Variants in TSHZ3 observed in about 807,000 individuals in gnomAD.
TSHZ3 encodes teashirt homolog 3.
Under a neutral mutation model 64.5 loss-of-function variants are expected in TSHZ3, and 10 were observed. That is an observed-to-expected ratio of 0.16 (90% CI 0.10 to 0.26). The LOEUF is 0.26. Among genes scored for constraint, TSHZ3 ranks in the 10% least tolerant of loss-of-function variants. TSHZ3 has a pLI of 1.00. For synonymous variants in TSHZ3, 608 were observed against 593.1 expected, an observed-to-expected ratio of 1.03 and a Z score of -0.36; for missense variants, 1,242 against 1,421.7, an observed-to-expected ratio of 0.87 and a Z score of 2.03.
chr19:31,176,825 C>CA (rs1283632205), intron 5 of TSHZ3, among the ~76,000 whole-genome samples: 2 of 152,070 alleles, frequency 1.3e-5, no homozygotes, highest in South Asian at 2.1e-4. Flanking sequence ...ACAACAACAA[C>CA]AAAAAACACA....
At chr19:31,219,012 C>G (rs1164901059) in intron 4 of TSHZ3, among the ~76,000 whole-genome samples, 3 of 152,152 alleles carry the variant, frequency 2.0e-5, no homozygotes, top group African/African-American at 7.2e-5. Context: ...GAAGGAGATG[C>G]TTCAGGTACA....
intron 1 of TSHZ3, among the ~76,000 whole-genome samples, chr19:31,263,338 G>A (rs981725411): frequency 6.6e-6 from 1 of 152,208 alleles, no homozygotes; most frequent in South Asian, 2.1e-4. Flanking sequence ...TGGGGAGTGT[G>A]GGCACTGGAT....
chr19:31,263,433 T>G (rs1177376011), intron 1 of TSHZ3, among the ~76,000 whole-genome samples: 1 of 131,190 alleles, frequency 7.6e-6, no homozygotes, highest in African/African-American at 2.5e-5. Context: ...CGCCACCCGC[T>G]GCCCACGGCT....
intron 4 of TSHZ3, among the ~76,000 whole-genome samples, chr19:31,217,134 A>G (rs1433210050): frequency 6.6e-6 from 1 of 152,186 alleles, no homozygotes; most frequent in Non-Finnish European, 1.5e-5. Flanking sequence ...ATGAAGGACT[A>G]TGACACATCC....
At chr19:31,287,990 AG>A (rs1568370119) in intron 1 of TSHZ3, among the ~76,000 whole-genome samples, 1 of 152,114 alleles carries the variant, frequency 6.6e-6, no homozygotes, top group Non-Finnish European at 1.5e-5. Context: ...GCTGAAGTGC[AG>A]TGGTGCAATC....
At chr19:31,317,692 G>A (rs991701910) in intron 1 of TSHZ3, among the ~76,000 whole-genome samples, 3 of 152,214 alleles carry the variant, frequency 2.0e-5, no homozygotes, top group Admixed American at 6.5e-5. Flanking sequence ...TGTCCCAAAC[G>A]CCTGCCCCGC....
At chr19:31,168,876 C>T (rs1974495709) in intron 5 of TSHZ3, among the ~76,000 whole-genome samples, 1 of 152,154 alleles carries the variant, frequency 6.6e-6, no homozygotes, top group Admixed American at 6.5e-5. Context: ...TAAAAAGCAA[C>T]TCATCCTGAG....
chr19:31,157,418 C>T (rs931844662), intron 5 of TSHZ3, among the ~76,000 whole-genome samples: 7 of 152,098 alleles, frequency 4.6e-5, no homozygotes, highest in Non-Finnish European at 1.0e-4. Flanking sequence ...TCTGTGGCCA[C>T]TTTTTGCTCT....
chr19:31,165,412 AT>A (rs1266996486), intron 5 of TSHZ3, among the ~76,000 whole-genome samples: 2 of 152,032 alleles, frequency 1.3e-5, no homozygotes, highest in African/African-American at 2.4e-5. Context: ...CTTTTGCAAA[AT>A]TTTCTTTTGC....
intron 1 of TSHZ3, among the ~76,000 whole-genome samples, chr19:31,249,433 G>T (rs56004051): frequency 0.035 from 5,347 of 152,232 alleles, 318 homozygotes; most frequent in African/African-American, 0.12. Flanking sequence ...CAGGTTCCCT[G>T]TCTGCCCGGG....
intron 1 of TSHZ3, among the ~76,000 whole-genome samples, chr19:31,287,834 C>G (rs1976490715): frequency 6.6e-6 from 1 of 152,166 alleles, no homozygotes; most frequent in African/African-American, 2.4e-5. Context: ...GAGGATGGAC[C>G]TAGGGGAGCC....
At chr19:31,216,783 C>T (rs188075221) in intron 4 of TSHZ3, among the ~76,000 whole-genome samples, 3 of 152,054 alleles carry the variant, frequency 2.0e-5, no homozygotes, top group South Asian at 2.1e-4. Context: ...CACAGGTGCC[C>T]GCCACCACGC....
chr19:31,193,639 G>T (rs10411956), intron 5 of TSHZ3, among the ~76,000 whole-genome samples: 106,449 of 152,068 alleles, frequency 0.7, 37,539 homozygotes, highest in African/African-American at 0.79. Flanking sequence ...AACATTGTGA[G>T]AATCATCTTT....
intron 4 of TSHZ3, among the ~76,000 whole-genome samples, chr19:31,209,433 C>T (rs946145288): frequency 1.3e-5 from 2 of 152,158 alleles, no homozygotes; most frequent in African/African-American, 4.8e-5. Flanking sequence ...GGTTTGAATT[C>T]TGGCTATTCC....
intron 5 of TSHZ3, among the ~76,000 whole-genome samples, chr19:31,181,302 G>A (rs1568339450): frequency 1.3e-5 from 2 of 152,280 alleles, no homozygotes; most frequent in East Asian, 3.9e-4. Context: ...TTACCATGCA[G>A]GAAGCAGATT....
intron 1 of TSHZ3, among the ~76,000 whole-genome samples, chr19:31,334,781 C>A (rs560689135): frequency 1.3e-5 from 2 of 152,072 alleles, no homozygotes; most frequent in Non-Finnish European, 1.5e-5. Flanking sequence ...CCTGCCATGC[C>A]CCCTTGAGAC....
At chr19:31,213,280 C>T (rs1045637258) in intron 4 of TSHZ3, among the ~76,000 whole-genome samples, 2 of 136,280 alleles carry the variant, frequency 1.5e-5, no homozygotes, top group Middle Eastern at 4.5e-3. Context: ...TTGCTTGAAC[C>T]TAGGAGGCAG....
chr19:31,221,214 A>G (rs1975391234), intron 4 of TSHZ3, among the ~76,000 whole-genome samples: 1 of 152,200 alleles, frequency 6.6e-6, no homozygotes, highest in Non-Finnish European at 1.5e-5. Flanking sequence ...GGTAAAGTGC[A>G]ATGAAAACTC....
rs752916427 is a variant in TSHZ3 at position 31,278,301 on chromosome 19, A to C, written c.1492T>G (p.Cys498Gly). The stretch of plus-strand genomic sequence containing the variant: ...TAATGGTATTTGGAAGAGATGTCAC[A>C]CTTCTCCTCTTCTTCGCCAGGCTTG... Reference protein sequence around the residue: ...KDKPGEEEEKCDISSKYHYLT... With the variant: ...KDKPGEEEEKGDISSKYHYLT... The change falls in exon 2 of 2, where the codon TGT becomes GGT. Residue 498 changes from cysteine to glycine, a missense_variant. Transcript: ENST00000240587. The surrounding 1 kb of genome is among the most constrained non-coding windows in gnomAD (Gnocchi z 4.7). The C allele has an allele frequency of 6.2e-7, 1 of 1,614,114 alleles. No homozygotes were observed. Among genetic ancestry groups the C allele is most frequent in the Admixed American group, 1.7e-5 (1 of 60,028 alleles).
Sources: allele counts gnomAD v4.1 joint callset (sites outside exome capture counted in the v4.1 genomes callset), GRCh38; gene constraint gnomAD v4.1.1; non-coding constraint Gnocchi (gnomAD v3.1); transcripts MANE v1.5; gene names NCBI Gene and HGNC (gene_info 2026-07-23, HGNC 2026-07-21).